CSMD1: variants seen among roughly 807,000 people sequenced by gnomAD.
CSMD1 encodes CUB and sushi domain-containing protein 1.
In CSMD1, 213 loss-of-function variants were observed where a neutral mutation model predicts 417.5. That is an observed-to-expected ratio of 0.51 (90% CI 0.46 to 0.57). The LOEUF (loss-of-function observed/expected upper bound fraction) is 0.57. CSMD1 is among the 20% of genes least tolerant of loss of function. The pLI is 0.00. For missense variants in CSMD1, 6,923 were observed against 4,529.7 expected (o/e 1.53, Z -15.17); for synonymous variants, 2,862 against 1,736.8 (o/e 1.65, Z -16.11).
At chr8:3,911,037 T>TGG (rs1477103749) in intron 5 of CSMD1, among the ~76,000 whole-genome samples, 1 of 152,060 alleles carries the variant, frequency 6.6e-6, no homozygotes, top group Non-Finnish European at 1.5e-5. Flanking sequence ...GCTAGCCCTC[T>TGG]GGGGACACTC....
intron 1 of CSMD1, among the ~76,000 whole-genome samples, chr8:4,889,539 A>G (rs2116993592): frequency 6.6e-6 from 1 of 152,220 alleles, no homozygotes. Flanking sequence ...TATGAAAGGT[A>G]GACAACAATT....
At chr8:3,345,326 T>C (rs1345079613) in intron 22 of CSMD1, among the ~76,000 whole-genome samples, 1 of 152,116 alleles carries the variant, frequency 6.6e-6, no homozygotes, top group Non-Finnish European at 1.5e-5. Context: ...AATCGTAAGA[T>C]TCTTCAGAAC....
chr8:4,463,865 G>A (rs774100426), intron 2 of CSMD1, among the ~76,000 whole-genome samples: 9 of 152,070 alleles, frequency 5.9e-5, no homozygotes, highest in Non-Finnish European at 1.3e-4. Flanking sequence ...GCACTGAAGA[G>A]TACACTTCAG....
At chr8:3,614,517 G>C (rs374208638) in intron 8 of CSMD1, among the ~76,000 whole-genome samples, 1 of 152,274 alleles carries the variant, frequency 6.6e-6, no homozygotes, top group Admixed American at 6.5e-5. Flanking sequence ...GAAGACATTG[G>C]CCTGAATATT....
intron 12 of CSMD1, 90 bp from the exon 13 acceptor site, chr8:3,409,695 T>C: frequency 9.6e-7 from 1 of 1,036,796 alleles, no homozygotes; most frequent in Non-Finnish European, 1.4e-6. Context: ...ACGTGGCTTC[T>C]TTTTGCTGAA....
intron 3 of CSMD1, among the ~76,000 whole-genome samples, chr8:4,359,875 A>G (rs549290357): frequency 6.6e-6 from 1 of 152,320 alleles, no homozygotes; most frequent in East Asian, 1.9e-4. Flanking sequence ...CAACACTACT[A>G]AATTCTAAAC....
At chr8:3,843,331 G>C (rs7817718) in intron 5 of CSMD1, among the ~76,000 whole-genome samples, 125,895 of 152,118 alleles carry the variant, frequency 0.83, 52,317 homozygotes, top group African/African-American at 0.89. Flanking sequence ...GAACGAAATC[G>C]TTTGAAGACT....
At position 3,414,702 on chromosome 8, in the gene CSMD1, A is replaced by G. The variant is rs144361254; in HGVS notation, c.1562-5097T>C. 1.9e-3 allele frequency among the ~76,000 whole-genome samples: 282 copies of G among 152,250 alleles called. 1 individual carries two copies. Among genetic ancestry groups the G allele is most frequent in the African/African-American group, 6.1e-3 (254 of 41,548 alleles). On this transcript the variant is annotated intron_variant, in intron 12 of 69. Transcript: ENST00000635120. ...GAACATCGCTGTTTTCTCCTAGGAC[A>G]TATCTCGTTAGTTCTTTCCCGGTGT... is the stretch of plus-strand genomic sequence containing the variant.
intron 23 of CSMD1, among the ~76,000 whole-genome samples, chr8:3,331,847 A>G (rs1356972148): frequency 2.6e-5 from 4 of 152,222 alleles, no homozygotes; most frequent in African/African-American, 9.6e-5. Flanking sequence ...ATTCATTTCA[A>G]TGTACAACTT....
chr8:4,101,367 C>T (rs1045940764), intron 3 of CSMD1, among the ~76,000 whole-genome samples: 2 of 152,090 alleles, frequency 1.3e-5, no homozygotes, highest in African/African-American at 2.4e-5. Flanking sequence ...TACCACATTC[C>T]ATCTGGGGCC....
At chr8:3,891,555 C>T (rs1368311648) in intron 5 of CSMD1, among the ~76,000 whole-genome samples, 2 of 151,974 alleles carry the variant, frequency 1.3e-5, no homozygotes, top group African/African-American at 4.8e-5. Context: ...TGGGGGTGTA[C>T]ACCTGTAGTC....
In CSMD1 at chr8:3,673,070, C is replaced by T. The variant is rs78969439; in HGVS notation, c.1009+35344G>A. On this transcript the variant is annotated intron_variant, in intron 7 of 69. Coordinates refer to ENST00000635120, the MANE Select transcript of CSMD1 (RefSeq NM_033225.6). Reference sequence around the variant, plus strand: ...AGCATTTAGCGGTATGATTGATATACTGTAAATGTTCAATAAATGCTTACT... The same window carrying T: ...AGCATTTAGCGGTATGATTGATATATTGTAAATGTTCAATAAATGCTTACT... Among the ~76,000 whole-genome samples, 592 of 152,210 alleles carry T rather than the reference C, an allele frequency of 3.9e-3. 3 individuals are homozygous for T. The highest frequency in any genetic ancestry group is 6.7e-3 in the Non-Finnish European group (457 of 68,018).
At chr8:3,657,023 T>C (rs952877807) in intron 7 of CSMD1, among the ~76,000 whole-genome samples, 2 of 151,218 alleles carry the variant, frequency 1.3e-5, no homozygotes, top group East Asian at 1.9e-4. Flanking sequence ...CAATGAGACA[T>C]ACAGGAAAGT....
chr8:4,606,716 G>C (rs1338852355), intron 2 of CSMD1, among the ~76,000 whole-genome samples: 1 of 152,146 alleles, frequency 6.6e-6, no homozygotes, highest in African/African-American at 2.4e-5. Flanking sequence ...CTATCCTCCA[G>C]TTTGATAAAG....
At chr8:4,648,563 G>A (rs1803682561) in intron 1 of CSMD1, among the ~76,000 whole-genome samples, 1 of 152,110 alleles carries the variant, frequency 6.6e-6, no homozygotes. Context: ...TGGGTTTAGT[G>A]TCTATCTGCA....
At chr8:4,952,410 T>C (rs12675859) in intron 1 of CSMD1, among the ~76,000 whole-genome samples, 8,989 of 152,150 alleles carry the variant, frequency 0.059, 369 homozygotes, top group South Asian at 0.15. Context: ...AATTGTAAAA[T>C]GGAAGAGTCT....
intron 1 of CSMD1, among the ~76,000 whole-genome samples, chr8:4,717,645 C>T (rs1326240896): frequency 6.6e-6 from 1 of 151,838 alleles, no homozygotes; most frequent in African/African-American, 2.4e-5. Flanking sequence ...ACGGGGAAAG[C>T]ACTGGTGTGA....
At chr8:3,730,310 T>C (rs1280715341) in intron 6 of CSMD1, among the ~76,000 whole-genome samples, 2 of 151,604 alleles carry the variant, frequency 1.3e-5, no homozygotes, top group Admixed American at 6.6e-5. Flanking sequence ...CATTCCTTCA[T>C]GTAGATAAAT....
chr8:4,082,750 G>A (rs1364870478), intron 3 of CSMD1, among the ~76,000 whole-genome samples: 2 of 145,486 alleles, frequency 1.4e-5, no homozygotes, highest in African/African-American at 2.5e-5. Context: ...ATCTCCTGAT[G>A]CTATCCCTCC....
Sources: gnomAD v4.1 joint callset for allele counts (sites outside exome capture counted in the v4.1 genomes callset) on GRCh38, gnomAD v4.1.1 for gene constraint, MANE v1.5 for transcripts, NCBI Gene and HGNC (gene_info 2026-07-23, HGNC 2026-07-21) for gene names.